The following DDR2 variants were observed in gnomAD, a reference collection of about 807,000 sequenced individuals.
DDR2 encodes discoidin domain receptor tyrosine kinase 2, also known as discoidin domain-containing receptor 2.
Under a neutral mutation model 94.9 loss-of-function variants are expected in DDR2, and 27 were observed. That is an observed-to-expected ratio of 0.28 (90% confidence interval 0.21 to 0.39). The LOEUF is 0.39. Among genes scored for constraint, DDR2 ranks in the 10% least tolerant of loss-of-function variants. DDR2 has a pLI of 1.00. For synonymous variants in DDR2, 382 were observed against 377.2 expected (o/e 1.01, Z -0.15); for missense variants, 783 against 1,076.0 (o/e 0.73, Z 3.81).
At position 162,772,092 on chromosome 1, in the gene DDR2, GAC is replaced by G. The variant is rs1558078525; in HGVS notation, c.1575_1576del (p.Ile526SerfsTer55). ...GGGGGTGCCCCACTATGCAGAGGCT[GAC>G]ATAGTGAACCTCCAAGGAGTGACAG... is the stretch of plus-strand genomic sequence containing the variant. ...PEGVPHYAEADIVNLQGVTGG... is the reference protein window; with the variant it reads ...PEGVPHYAEAXIVNLQGVTGG... On this transcript the variant is annotated frameshift_variant, in exon 13 of 18. Transcript: ENST00000367921. LOFTEE classifies it high-confidence loss of function. 1 of 1,614,058 alleles carries G rather than the reference GAC, an allele frequency of 6.2e-7. No individual in the cohort carries two copies. Among genetic ancestry groups the G allele is most frequent in the Non-Finnish European group, 8.5e-7 (1 of 1,180,004 alleles).
rs560210069 is a variant in DDR2, at chr1:162,667,869, A to C, written c.-28+12495A>C. Reference sequence around the variant, plus strand: ...GTCATCTTCCTCAATTATCTGCAGGAAATATTAGCTGTTATTAAAATTTGC... The same window carrying C: ...GTCATCTTCCTCAATTATCTGCAGGCAATATTAGCTGTTATTAAAATTTGC... On this transcript the variant is annotated intron_variant, in intron 2 of 17. Coordinates refer to ENST00000367921, the MANE Select transcript of DDR2 (RefSeq NM_006182.4). Among the ~76,000 whole-genome samples, 5 of 152,298 alleles carry C rather than the reference A, an allele frequency of 3.3e-5. No individual in the cohort carries two copies. The East Asian group carries it at 9.6e-4, about 29-fold the overall frequency.
rs767530570 is a variant in DDR2 at position 162,776,127 on chromosome 1, T to C, written c.2049-9T>C. On this transcript the variant is annotated splice_polypyrimidine_tract_variant and intron_variant, in intron 15 of 17. Coordinates refer to ENST00000367921, the MANE Select transcript of DDR2 (RefSeq NM_006182.4). ...AGGCTACCTTCTGTCTTCTTGTCTA[T>C]TTCCTCAGTTACACCAATCTGAAGT... 54 of 1,607,508 alleles carry C rather than the reference T, an allele frequency of 3.4e-5. No individual in the cohort carries two copies. In the East Asian group the frequency reaches 1.2e-3, roughly 36 times the overall value.
intron 13 of DDR2, 66 bp from the exon 14 acceptor site, chr1:162,773,403 C>A: frequency 6.2e-7 from 1 of 1,604,594 alleles, no homozygotes; most frequent in Admixed American, 1.7e-5. Context: ...CAGGAAATGC[C>A]CAGCAAGAGT....
At chr1:162,700,443 C>T (rs1306528809) in intron 2 of DDR2, among the ~76,000 whole-genome samples, 1 of 152,166 alleles carries the variant, frequency 6.6e-6, no homozygotes, top group Non-Finnish European at 1.5e-5. Flanking sequence ...ATTTGCATGC[C>T]ATATTGAAGA....
rs760282956 is a variant in DDR2 at position 162,755,784 on chromosome 1, A to C, written c.671+15A>C. On this transcript the variant is annotated intron_variant, in intron 7 of 17. Coordinates refer to ENST00000367921, the MANE Select transcript of DDR2 (RefSeq NM_006182.4). ...GTTGGATACAGGTAAATCCTGGGAA[A>C]CTTTATTAGAATGGGAAATTGGCCA... 8.7e-6 allele frequency: 14 copies of C among 1,607,568 alleles called. No individual in the cohort carries two copies. Among genetic ancestry groups the C allele is most frequent in the African/African-American group, 2.7e-5 (2 of 74,794 alleles).
chr1:162,753,502 C>T (rs926487971), intron 4 of DDR2, among the ~76,000 whole-genome samples: 3 of 152,196 alleles, frequency 2.0e-5, no homozygotes, highest in African/African-American at 7.2e-5. Context: ...TCATTGTGAG[C>T]TGCTGCAGGA....
intron 9 of DDR2, 102 bp downstream of exon 9, chr1:162,761,556 T>A (rs1015608951): frequency 4.9e-5 from 77 of 1,572,454 alleles, no homozygotes; most frequent in Non-Finnish European, 5.6e-5. Context: ...AGGAGTGGGA[T>A]TGTACAGGCA....
chr1:162,754,291 G>C (rs1244273126), intron 4 of DDR2, among the ~76,000 whole-genome samples: 1 of 152,174 alleles, frequency 6.6e-6, no homozygotes, highest in Non-Finnish European at 1.5e-5. Flanking sequence ...GTTTGAAAGA[G>C]GGAAGGGAAA....
At chr1:162,730,091 G>T (rs1661958874) in intron 3 of DDR2, among the ~76,000 whole-genome samples, 1 of 141,904 alleles carries the variant, frequency 7.0e-6, no homozygotes, top group African/African-American at 2.7e-5. Flanking sequence ...ATGATGCCAT[G>T]TGAGACTTGA....
chr1:162,697,264 C>G (rs1232670314), intron 2 of DDR2, among the ~76,000 whole-genome samples: 1 of 152,086 alleles, frequency 6.6e-6, no homozygotes, highest in Non-Finnish European at 1.5e-5. Flanking sequence ...AGGCTTGCCA[C>G]TGCAGGAGTG....
intron 9 of DDR2, among the ~76,000 whole-genome samples, chr1:162,765,513 G>A (rs1663944342): frequency 6.6e-6 from 1 of 152,042 alleles, no homozygotes; most frequent in South Asian, 2.1e-4. Flanking sequence ...ACACTCCAAT[G>A]TCAGTAAATA....
At chr1:162,733,620 C>T (rs927584406) in intron 3 of DDR2, among the ~76,000 whole-genome samples, 2 of 152,202 alleles carry the variant, frequency 1.3e-5, no homozygotes, top group African/African-American at 4.8e-5. Flanking sequence ...TCCATCCTAA[C>T]TTTCGTTGTC....
intron 2 of DDR2, among the ~76,000 whole-genome samples, chr1:162,715,975 G>C (rs1183860646): frequency 6.6e-6 from 1 of 152,144 alleles, no homozygotes; most frequent in Non-Finnish European, 1.5e-5. Context: ...CACTTAGTAG[G>C]TTTGGCTTAG....
At chr1:162,727,511 AAT>A (rs1369522179) in intron 3 of DDR2, among the ~76,000 whole-genome samples, 1 of 146,526 alleles carries the variant, frequency 6.8e-6, no homozygotes, top group Non-Finnish European at 1.5e-5. Flanking sequence ...TAGAGTTAAA[AAT>A]AAATAAATAA....
At chr1:162,764,740 T>G (rs1663912084) in intron 9 of DDR2, among the ~76,000 whole-genome samples, 1 of 150,694 alleles carries the variant, frequency 6.6e-6, no homozygotes, top group South Asian at 2.1e-4. Context: ...GGTGGGAGGA[T>G]CACCTGAGCC....
intron 3 of DDR2, among the ~76,000 whole-genome samples, chr1:162,720,774 A>G (rs977666551): frequency 2.6e-5 from 4 of 152,160 alleles, no homozygotes; most frequent in African/African-American, 7.2e-5. Context: ...AGTATATGCA[A>G]GTTCCAGTTG....
chr1:162,646,550 C>G (rs762825451), intron 1 of DDR2, among the ~76,000 whole-genome samples: 2 of 152,148 alleles, frequency 1.3e-5, no homozygotes, highest in Admixed American at 6.5e-5. Flanking sequence ...GTGGCAGCAG[C>G]GGAATTTGAA....
intron 2 of DDR2, among the ~76,000 whole-genome samples, chr1:162,697,077 A>G (rs879900383): frequency 1.3e-5 from 2 of 152,124 alleles, no homozygotes; most frequent in African/African-American, 2.4e-5. Flanking sequence ...ATGCACCTTG[A>G]GTCTAATCAT....
rs376454254 is a variant in DDR2 at position 162,719,290 on chromosome 1, A to G, written c.82+145A>G. 7 of 1,450,236 alleles carry G rather than the reference A, an allele frequency of 4.8e-6. No individual in the cohort carries two copies. In the East Asian group the frequency reaches 1.2e-4, roughly 26 times the overall value. The allele number at this position is 1,450,236 out of a possible 1,614,324, so 89.8% of individuals were successfully genotyped here. On this transcript the variant is annotated intron_variant, in intron 3 of 17. Transcript: ENST00000367921. ...CTCCATGGTGAAATATGACTAAAAT[A>G]GGAAGAAAAATGAATATACTTTATA... is the stretch of plus-strand genomic sequence containing the variant.
Sources: allele counts gnomAD v4.1 joint callset (sites outside exome capture counted in the v4.1 genomes callset), GRCh38; gene constraint gnomAD v4.1.1; transcripts MANE v1.5; gene names NCBI Gene and HGNC (gene_info 2026-07-23, HGNC 2026-07-21).